ZNF736: variants seen among roughly 807,000 people sequenced by gnomAD.
ZNF736 encodes the protein KRAB-containing zinc-finger repressor protein.
Under a neutral mutation model 11.7 loss-of-function variants are expected in ZNF736, and 6 were observed. The observed-to-expected ratio is 0.51, with a 90% CI of 0.28 to 1.01. ZNF736 has a LOEUF of 1.01. ZNF736 is among the 50% of genes least tolerant of loss of function. The probability of loss-of-function intolerance (pLI) is 0.09; values close to 1 mark genes in which losing one functional copy is unlikely to be tolerated. For synonymous variants in ZNF736, 139 were observed against 164.7 expected (o/e 0.84, Z 1.19); for missense variants, 444 against 496.0 (o/e 0.90, Z 1.00).
In ZNF736 at chr7:64,329,955, C is replaced by T. The variant is rs140051117; in HGVS notation, c.4-6304C>T. On this transcript the variant is annotated intron_variant, in intron 1 of 3. Coordinates refer to ENST00000423484, the MANE Select transcript of ZNF736 (RefSeq NM_001170905.3). ...TATTCTGTTGTGGCTTAGCTGGCACCGAGGCCATGAGACAACATCCTTCCT... is the reference window on the plus strand; with the variant it reads ...TATTCTGTTGTGGCTTAGCTGGCACTGAGGCCATGAGACAACATCCTTCCT... Among the ~76,000 whole-genome samples the T allele has an allele frequency of 2.6e-3, 399 of 152,184 alleles. 1 individual carries two copies. The highest frequency in any genetic ancestry group is 7.9e-3 in the African/African-American group (330 of 41,520).
chr7:64,334,447 A>G (rs1789217088), intron 1 of ZNF736, among the ~76,000 whole-genome samples: 1 of 152,242 alleles, frequency 6.6e-6, no homozygotes, highest in Admixed American at 6.5e-5. Context: ...TAAATTTACA[A>G]GAAAAAAGCA....
In ZNF736 at chr7:64,348,345, CTG is replaced by C; in HGVS notation, c.483_484del (p.Glu162ThrfsTer2). On this transcript the variant is annotated frameshift_variant, in exon 4 of 4. Coordinates refer to ENST00000423484, the MANE Select transcript of ZNF736 (RefSeq NM_001170905.3). LOFTEE classifies it low-confidence loss of function (END_TRUNC). ...GGTTTTCAGTTGTGCTCAATCTTCA[CTG>C]AACATAAAGACATTTTTAGCAGAGA... The C allele has an allele frequency of 1.9e-6, 3 of 1,551,538 alleles. No homozygotes were observed. Among genetic ancestry groups the C allele is most frequent in the Non-Finnish European group, 2.6e-6 (3 of 1,146,848 alleles).
chr7:64,324,855 T>C (rs1359678041), intron 1 of ZNF736, among the ~76,000 whole-genome samples: 1 of 152,208 alleles, frequency 6.6e-6, no homozygotes, highest in Non-Finnish European at 1.5e-5. Flanking sequence ...AATTCAAAAT[T>C]TAAGCTGTTT....
intron 3 of ZNF736, among the ~76,000 whole-genome samples, chr7:64,339,312 A>G (rs1789303316): frequency 6.6e-6 from 1 of 151,874 alleles, no homozygotes; most frequent in South Asian, 2.1e-4. Flanking sequence ...ATTTGTTTAT[A>G]TTTGCTTTTA....
At chr7:64,328,453 GT>G (rs1487223418) in intron 1 of ZNF736, among the ~76,000 whole-genome samples, 3 of 151,978 alleles carry the variant, frequency 2.0e-5, no homozygotes, top group Non-Finnish European at 4.4e-5. Context: ...ACCTTTGAGA[GT>G]TTTATTAAAG....
chr7:64,350,844 G>A lies in ZNF736; in HGVS notation c.*1697G>A, dbSNP rs1356967472. 6.6e-6 allele frequency: 1 copy of A among 151,912 alleles called. No homozygotes were observed. Among genetic ancestry groups the A allele is most frequent in the East Asian group, 1.9e-4 (1 of 5,182 alleles). 9.4% of individuals were successfully genotyped at this position (151,912 alleles called of 1,614,324 possible). A position where few individuals can be genotyped will look rare whatever the true frequency, so the allele number is the denominator to read the frequency against. On this transcript the variant is annotated 3_prime_UTR_variant, in exon 4 of 4. Transcript: ENST00000423484. ...GGCAATGCTCAGCTCACAACTCAGAGGCTGCATACTCTAACTCCGGGGGAC... is the reference window on the plus strand; with the variant it reads ...GGCAATGCTCAGCTCACAACTCAGAAGCTGCATACTCTAACTCCGGGGGAC...
Position 64,345,310 on chromosome 7 carries a change from CTG to C in ZNF736, c.227-2777_227-2776del, listed in dbSNP as rs549933516. On this transcript the variant is annotated intron_variant, in intron 3 of 3. Coordinates refer to ENST00000423484, the MANE Select transcript of ZNF736 (RefSeq NM_001170905.3). Reference sequence around the variant, plus strand: ...GTGCTGGGATTACAGGCGTGAACCACTGTGCCCGGCCAGGAAAAGTAAAATTG... The same window carrying C: ...GTGCTGGGATTACAGGCGTGAACCACTGCCCGGCCAGGAAAAGTAAAATTG... Among the ~76,000 whole-genome samples the C allele has an allele frequency of 2.8e-3, 423 of 151,920 alleles. 1 individual carries two copies. The highest frequency in any genetic ancestry group is 7.4e-3 in the Admixed American group (113 of 15,276).
intron 1 of ZNF736, among the ~76,000 whole-genome samples, chr7:64,328,456 T>C (rs1265043301): frequency 6.6e-6 from 1 of 152,126 alleles, no homozygotes; most frequent in Non-Finnish European, 1.5e-5. Flanking sequence ...TTTGAGAGTT[T>C]TATTAAAGAT....
At chr7:64,320,816 T>G (rs1262990755) in intron 1 of ZNF736, among the ~76,000 whole-genome samples, 1 of 152,196 alleles carries the variant, frequency 6.6e-6, no homozygotes, top group Non-Finnish European at 1.5e-5. Context: ...TTCTAAAACC[T>G]GCCGTTTCCA....
chr7:64,343,556 A>G (rs1789368325), intron 3 of ZNF736, among the ~76,000 whole-genome samples: 1 of 152,200 alleles, frequency 6.6e-6, no homozygotes, highest in South Asian at 2.1e-4. Flanking sequence ...CTCTGAACCT[A>G]TAGGAAAAGT....
At chr7:64,316,633 C>T (rs2902478) in intron 1 of ZNF736, among the ~76,000 whole-genome samples, 5,198 of 152,218 alleles carry the variant, frequency 0.034, 177 homozygotes, top group East Asian at 0.17. Context: ...GTGTTCCAGT[C>T]AGCACTACTT....
chr7:64,318,785 C>A (rs548098563), intron 1 of ZNF736, among the ~76,000 whole-genome samples: 11 of 152,132 alleles, frequency 7.2e-5, no homozygotes, highest in African/African-American at 2.7e-4. Flanking sequence ...CATGTAGACA[C>A]AACATATAAC....
intron 1 of ZNF736, among the ~76,000 whole-genome samples, chr7:64,314,926 C>T (rs1788891310): frequency 6.6e-6 from 1 of 152,180 alleles, no homozygotes; most frequent in Admixed American, 6.5e-5. Flanking sequence ...GCCCAAATCT[C>T]CTATTTAAAT....
At chr7:64,328,457 TA>T (rs1215724136) in intron 1 of ZNF736, among the ~76,000 whole-genome samples, 1 of 152,184 alleles carries the variant, frequency 6.6e-6, no homozygotes, top group African/African-American at 2.4e-5. Context: ...TTGAGAGTTT[TA>T]TTAAAGATCT....
In ZNF736 at chr7:64,348,727, A is replaced by G. The variant is rs1176273752; in HGVS notation, c.864A>G (p.Glu288=). Residue 288 remains glutamate (E), a synonymous_variant, in exon 4 of 4, where the codon GAA becomes GAG. Transcript: ENST00000423484. ...IHTGEKPYKC[E]ECNKAYRWFS... ...CTGGAGAGAAACCCTACAAATGTGA[A>G]GAATGTAACAAAGCCTATAGGTGGT... 1.9e-6 allele frequency: 3 copies of G among 1,606,646 alleles called. No individual in the cohort carries two copies. Among genetic ancestry groups the G allele is most frequent in the Non-Finnish European group, 2.5e-6 (3 of 1,176,478 alleles).
chr7:64,314,161 C>T lies in ZNF736; in HGVS notation c.3+8C>T. ...TCTGGAGGCTGGGAAATGGTGAGTGCGTGGAGTGGGTGTCCCGAGAATGGG... is the reference window on the plus strand; with the variant it reads ...TCTGGAGGCTGGGAAATGGTGAGTGTGTGGAGTGGGTGTCCCGAGAATGGG... On this transcript the variant is annotated splice_region_variant and intron_variant, in intron 1 of 3. Transcript: ENST00000423484. 6.4e-7 allele frequency: 1 copy of T among 1,551,886 alleles called. No homozygotes were observed. Among genetic ancestry groups the T allele is most frequent in the Non-Finnish European group, 8.7e-7 (1 of 1,147,172 alleles).
rs1554306187 is a variant in ZNF736, at chr7:64,353,468, T to C, written c.*4321T>C. The C allele has an allele frequency of 6.6e-6, 1 of 152,248 alleles. No individual in the cohort carries two copies. Among genetic ancestry groups the C allele is most frequent in the Non-Finnish European group, 1.5e-5 (1 of 68,046 alleles). 9.4% of individuals were successfully genotyped at this position (152,248 alleles called of 1,614,324 possible). ...TTTCTCTAAAGGGAACCTACTTTTT[T>C]ATATTAAAAGGATTCAATATTTTTC... On this transcript the variant is annotated 3_prime_UTR_variant, in exon 4 of 4. Coordinates refer to ENST00000423484, the MANE Select transcript of ZNF736 (RefSeq NM_001170905.3).
At chr7:64,343,493 C>T (rs1562675530) in intron 3 of ZNF736, among the ~76,000 whole-genome samples, 1 of 152,156 alleles carries the variant, frequency 6.6e-6, no homozygotes. Flanking sequence ...TAGCAGTTAT[C>T]CCAAACCTTA....
chr7:64,324,400 CAG>C (rs935697297), intron 1 of ZNF736, among the ~76,000 whole-genome samples: 4 of 152,120 alleles, frequency 2.6e-5, no homozygotes, highest in African/African-American at 9.7e-5. Flanking sequence ...CTAGTGCACA[CAG>C]ACTGTCACAC....
Sources: gnomAD v4.1 joint callset for allele counts (sites outside exome capture counted in the v4.1 genomes callset) on GRCh38, gnomAD v4.1.1 for gene constraint, MANE v1.5 for transcripts, NCBI Gene and HGNC (gene_info 2026-07-23, HGNC 2026-07-21) for gene names.